SI: variants seen among roughly 807,000 people sequenced by gnomAD.
SI encodes the protein sucrase-isomaltase.
Under a neutral mutation model 253.3 loss-of-function variants are expected in SI, and 235 were observed. The observed-to-expected ratio is 0.93, with a 90% CI of 0.83 to 1.03. The LOEUF (loss-of-function observed/expected upper bound fraction) is 1.03. Among genes scored for constraint, SI ranks in the 50% least tolerant of loss-of-function variants. The pLI is 0.00. For synonymous variants in SI, 819 were observed against 712.0 expected (o/e 1.15, Z -2.39); for missense variants, 2,442 against 2,211.1 (o/e 1.10, Z -2.09).
At position 165,039,085 on chromosome 3, in the gene SI, T is replaced by A. The variant is rs1213015287; in HGVS notation, c.2294A>T (p.Tyr765Phe). ...TATGTTAAGGTTACTTACAGATTCATAATCATACCAAATAGCATCAGGGAT... is the reference window on the plus strand; with the variant it reads ...TATGTTAAGGTTACTTACAGATTCAAAATCATACCAAATAGCATCAGGGAT... ...AYIPDAIWYD[Y>F]ESGAKRPWRK... The change falls in exon 20 of 48, where the codon TAT becomes TTT. Residue 765 changes from tyrosine (Y) to phenylalanine (F), a missense_variant. Coordinates refer to ENST00000264382, the MANE Select transcript of SI (RefSeq NM_001041.4). 3.8e-6 allele frequency: 6 copies of A among 1,584,832 alleles called. No homozygotes were observed. Among genetic ancestry groups the A allele is most frequent in the Non-Finnish European group, 5.2e-6 (6 of 1,155,294 alleles).
At chr3:165,082,397 C>G (rs1715365881), upstream of SI, among the ~76,000 whole-genome samples, 1 of 151,904 alleles carries the variant, frequency 6.6e-6, no homozygotes, top group South Asian at 2.1e-4. Context: ...TCTCTTTTCT[C>G]TAAAGTAAAA....
chr3:165,075,771 T>TA, intron 2 of SI, 124 bp downstream of exon 2: 1 of 620,774 alleles, frequency 1.6e-6, no homozygotes, highest in Non-Finnish European at 3.0e-6. Context: ...TTGTGTAACT[T>TA]ACCCTGGATT....
At chr3:165,030,533 T>C (rs976201219) in intron 25 of SI, among the ~76,000 whole-genome samples, 179 bp downstream of exon 25, 1 of 151,052 alleles carries the variant, frequency 6.6e-6, no homozygotes, top group African/African-American at 2.4e-5. Context: ...GATATGTCTT[T>C]GGATAATTAA....
rs1246861672 is a variant in SI, at chr3:165,009,388, C to G, written c.4070G>C (p.Arg1357Thr). The change falls in exon 35 of 48, where the codon AGA (arginine) becomes ACA (threonine). Residue 1357 changes from arginine (R) to threonine (T), a missense_variant. Arg to Thr is a moderately conservative substitution (Grantham distance 71). Transcript: ENST00000264382. The part of the protein sequence containing the change: ...LTEDEAVNAS[R>T]AHVAFPDFFR... ...GAAATCTGGGAAAGCTACATGAGCT[C>G]TGGAAGCCTGTAAAACCAAAATTTA... The G allele has an allele frequency of 6.2e-7, 1 of 1,611,828 alleles. No individual in the cohort carries two copies. The highest frequency in any genetic ancestry group is 1.7e-5 in the Admixed American group (1 of 59,964).
chr3:165,031,121 T>C (rs1178430255), intron 24 of SI, among the ~76,000 whole-genome samples: 1 of 149,506 alleles, frequency 6.7e-6, no homozygotes, highest in Non-Finnish European at 1.5e-5. Context: ...GTCACACACA[T>C]AGAATTATGT....
intron 17 of SI, among the ~76,000 whole-genome samples, chr3:165,041,670 T>C (rs1030470475): frequency 2.0e-5 from 3 of 152,118 alleles, no homozygotes; most frequent in African/African-American, 7.2e-5. Context: ...TTACAATTTG[T>C]AGTGCAGCCT....
intron 25 of SI, among the ~76,000 whole-genome samples, chr3:165,024,939 C>T (rs1163832005): frequency 6.6e-6 from 1 of 151,252 alleles, no homozygotes; most frequent in Non-Finnish European, 1.5e-5. Flanking sequence ...GCCAAATCCA[C>T]ATGTCAGTTT....
chr3:165,065,472 T>TAG, intron 6 of SI, 40 bp from the exon 7 acceptor site: 3 of 274,300 alleles, frequency 1.1e-5, no homozygotes, highest in East Asian at 3.3e-4. Context: ...CTAATATATA[T>TAG]ATATATATAT....
At position 164,992,400 on chromosome 3, in the gene SI, C is replaced by T. The variant is rs112107483; in HGVS notation, c.4842-3G>A. ...AGGTTGGTTTTTCATCAAAGAACCT[C>T]GACAAAATTATCACAAATAATTAAA... is the stretch of plus-strand genomic sequence containing the variant. On this transcript the variant is annotated splice_polypyrimidine_tract_variant and splice_region_variant and intron_variant, in intron 41 of 47. Coordinates refer to ENST00000264382, the MANE Select transcript of SI (RefSeq NM_001041.4). The T allele has an allele frequency of 3.4e-5, 54 of 1,585,664 alleles. No individual in the cohort carries two copies. Among genetic ancestry groups the T allele is most frequent in the African/African-American group, 1.1e-4 (8 of 74,008 alleles).
At chr3:165,088,959 C>CT in the SI span, among the ~76,000 whole-genome samples, 1 of 151,858 alleles carries the variant, frequency 6.6e-6, no homozygotes, top group African/African-American at 2.4e-5. Context: ...CATTATCAAG[C>CT]TAAAAACAAT....
rs142930281 is a variant in SI at position 164,982,740 on chromosome 3, C to A, written c.5247+262G>T. Among the ~76,000 whole-genome samples, 52 of 152,204 alleles carry A rather than the reference C, an allele frequency of 3.4e-4. No individual in the cohort carries two copies. The East Asian group carries it at 8.9e-3, about 26-fold the overall frequency. The stretch of plus-strand genomic sequence containing the variant: ...TAGTGCAGTCATGGCTCACTGCCAT[C>A]TCGAACTCCTAGATTCCAGTGACCC... On this transcript the variant is annotated intron_variant, in intron 46 of 47. Coordinates refer to ENST00000264382, the MANE Select transcript of SI (RefSeq NM_001041.4).
the SI span, among the ~76,000 whole-genome samples, chr3:165,087,017 G>A: frequency 1.3e-5 from 2 of 152,072 alleles, no homozygotes; most frequent in East Asian, 1.9e-4. Flanking sequence ...AATATCCCAC[G>A]TGCTCCCCTA....
chr3:165,075,553 A>C (rs1416548061), intron 2 of SI, among the ~76,000 whole-genome samples: 1 of 151,952 alleles, frequency 6.6e-6, no homozygotes. Context: ...TGAAGGCTGG[A>C]GCAAAAACCC....
At chr3:165,040,051 GT>G (rs1317504357) in intron 18 of SI, 80 bp from the exon 19 acceptor site, 2 of 1,120,220 alleles carry the variant, frequency 1.8e-6, no homozygotes, top group Non-Finnish European at 2.7e-6. Flanking sequence ...TATCTTTTCA[GT>G]TTTTTCCTGG....
At position 165,038,070 on chromosome 3, in the gene SI, T is replaced by G; in HGVS notation, c.2302-46A>C. On this transcript the variant is annotated intron_variant, in intron 20 of 47. Transcript: ENST00000264382. ...AACATTCTTAATATTATTGAAGACT[T>G]TAAACTCTATTTCACAAGAATTAAA... The G allele has an allele frequency of 2.0e-6, 3 of 1,510,202 alleles. No individual in the cohort carries two copies. In the South Asian group the frequency reaches 3.4e-5, roughly 17 times the overall value. 93.6% of individuals were successfully genotyped at this position (1,510,202 alleles called of 1,614,324 possible). A position where few individuals can be genotyped will look rare whatever the true frequency, so the allele number is the denominator to read the frequency against.
chr3:165,009,165 T>C lies in SI; in HGVS notation c.4179+114A>G, dbSNP rs537941143. On this transcript the variant is annotated intron_variant, in intron 35 of 47. Transcript: ENST00000264382. Reference sequence around the variant, plus strand: ...AAGAAAGTTCTGTGGGGGAAAAAAGTGGACTAGTTTTCAAATAAAATATTT... The same window carrying C: ...AAGAAAGTTCTGTGGGGGAAAAAAGCGGACTAGTTTTCAAATAAAATATTT... The C allele has an allele frequency of 1.1e-4, 81 of 739,224 alleles. 1 individual carries two copies. In the Middle Eastern group the frequency reaches 2.5e-3, roughly 22 times the overall value. 45.8% of individuals were successfully genotyped at this position (739,224 alleles called of 1,614,324 possible). A position where few individuals can be genotyped will look rare whatever the true frequency, so the allele number is the denominator to read the frequency against.
intron 18 of SI, 140 bp from the exon 19 acceptor site, chr3:165,040,111 T>C (rs561617791): frequency 1.2e-4 from 84 of 718,084 alleles, no homozygotes; most frequent in Non-Finnish European, 1.6e-4. Context: ...CATTTTCAAT[T>C]CATGGTTCTT....
chr3:164,982,127 T>G (rs1029441828), intron 47 of SI, 116 bp downstream of exon 47: 3 of 741,722 alleles, frequency 4.0e-6, no homozygotes, highest in African/African-American at 3.6e-5. Context: ...AAGGAATATA[T>G]GAAGAATGTC....
intron 23 of SI, among the ~76,000 whole-genome samples, chr3:165,032,939 G>A (rs1284495271): frequency 6.6e-6 from 1 of 151,076 alleles, no homozygotes; most frequent in Admixed American, 6.6e-5. Flanking sequence ...ACTCATTCTA[G>A]TCCTAACATT....
Sources: gnomAD v4.1 joint callset for allele counts (sites outside exome capture counted in the v4.1 genomes callset) on GRCh38, gnomAD v4.1.1 for gene constraint, MANE v1.5 for transcripts, NCBI Gene and HGNC (gene_info 2026-07-23, HGNC 2026-07-21) for gene names.